Variants in PLA2G5 observed in about 807,000 individuals in gnomAD.
PLA2G5 encodes Ca2+-dependent phospholipase A2.
PLA2G5 carries 12 observed loss-of-function variants against 15.9 expected under a neutral mutation model. The observed-to-expected ratio is 0.76, with a 90% CI of 0.48 to 1.23. The LOEUF (loss-of-function observed/expected upper bound fraction) is 1.23. PLA2G5 is among the 50% of genes most tolerant of loss of function. PLA2G5 has a pLI of 0.00. For missense variants in PLA2G5, 169 were observed against 177.1 expected, an observed-to-expected ratio of 0.95 and a Z score of 0.26; for synonymous variants, 71 against 71.4, an observed-to-expected ratio of 0.99 and a Z score of 0.03.
chr1:20,041,282 G>A lies in PLA2G5; in HGVS notation n.276+12573G>A, dbSNP rs536372601. 4.6e-4 allele frequency among the ~76,000 whole-genome samples: 70 copies of A among 152,278 alleles called. No individual in the cohort carries two copies. In the South Asian group the frequency reaches 0.013, roughly 28 times the overall value. On this transcript the variant is annotated intron_variant and non_coding_transcript_variant, in intron 1 of 6. Coordinates refer to the PLA2G5 transcript ENST00000460175. ...GGTCTGGGAGCACCCCCTCCAGAGT[G>A]TCACCTGTGTCTGTGTGAAGAGACC...
chr1:20,085,383 T>A (rs940269714), intron 2 of PLA2G5, among the ~76,000 whole-genome samples: 5 of 152,038 alleles, frequency 3.3e-5, no homozygotes, highest in African/African-American at 1.2e-4. Context: ...TGCTCCTTGA[T>A]GTCTTGCTAG....
chr1:20,030,160 C>T (rs776247761), intron 1 of PLA2G5, among the ~76,000 whole-genome samples: 37 of 151,356 alleles, frequency 2.4e-4, no homozygotes, highest in African/African-American at 7.3e-4. Flanking sequence ...GCTTAGCATA[C>T]GAAGGACCAG....
intron 1 of PLA2G5, among the ~76,000 whole-genome samples, chr1:20,043,981 G>C (rs2013757348): frequency 6.6e-6 from 1 of 152,214 alleles, no homozygotes; most frequent in African/African-American, 2.4e-5. Context: ...CTGGGAAGGA[G>C]TCAGTCAGTC....
At chr1:20,054,913 CT>C (rs1345839125) in intron 1 of PLA2G5, 1 of 152,134 alleles carries the variant, frequency 6.6e-6, no homozygotes, top group Non-Finnish European at 1.5e-5. Flanking sequence ...CACATTCTCA[CT>C]AGTAATGTAT....
At chr1:20,086,631 C>T (rs2016305910) in intron 3 of PLA2G5, among the ~76,000 whole-genome samples, 1 of 152,200 alleles carries the variant, frequency 6.6e-6, no homozygotes, top group Non-Finnish European at 1.5e-5. Context: ...GCCTCAATTC[C>T]TGTCACTTAG....
intron 1 of PLA2G5, among the ~76,000 whole-genome samples, chr1:20,075,868 CTTT>C (rs534879331): frequency 1.2e-3 from 144 of 121,722 alleles, no homozygotes; most frequent in Middle Eastern, 4.7e-3. Context: ...ATTTCTTTCT[CTTT>C]TTTTTTTTTT....
upstream of PLA2G5, chr1:20,068,989 AC>A (rs1245812149): frequency 8.1e-7 from 1 of 1,237,764 alleles, no homozygotes; most frequent in African/African-American, 1.5e-5. Flanking sequence ...TGGCACAGAT[AC>A]CAACAGACCA....
upstream of PLA2G5, chr1:20,066,062 G>C (rs1304588326): frequency 1.3e-5 from 2 of 152,210 alleles, no homozygotes; most frequent in African/African-American, 4.8e-5. Flanking sequence ...CATTGAATGA[G>C]AGTCCCTGTT....
At chr1:20,072,578 C>T (rs1274328861) in intron 1 of PLA2G5, among the ~76,000 whole-genome samples, 3 of 152,148 alleles carry the variant, frequency 2.0e-5, no homozygotes, top group African/African-American at 4.8e-5. Context: ...CCCAGGAATG[C>T]GTTAGGGGTG....
chr1:20,089,911 C>A lies in PLA2G5; in HGVS notation c.292+16C>A. 1 of 1,573,422 alleles carries A rather than the reference C, an allele frequency of 6.4e-7. No individual in the cohort carries two copies. The highest frequency in any genetic ancestry group is 1.1e-5 in the South Asian group (1 of 88,766). On this transcript the variant is annotated intron_variant, in intron 4 of 4. Transcript: ENST00000375108. ...GTCACCTGCGGTAAGGCTGGGGCTT[C>A]CCGTTCGGGCCATTGGAAGAGCACC...
At chr1:20,033,133 A>G (rs1005206924) in intron 1 of PLA2G5, among the ~76,000 whole-genome samples, 1 of 152,118 alleles carries the variant, frequency 6.6e-6, no homozygotes, top group African/African-American at 2.4e-5. Context: ...CCTCTTGTTG[A>G]CAGGTAGTTC....
intron 1 of PLA2G5, among the ~76,000 whole-genome samples, chr1:20,044,278 C>T (rs888837105): frequency 6.6e-6 from 1 of 152,096 alleles, no homozygotes; most frequent in Non-Finnish European, 1.5e-5. Flanking sequence ...ACAGCAGAGG[C>T]AAGTAATTGT....
Position 20,090,706 on chromosome 1 carries a change from G to A in PLA2G5, c.*14G>A. On this transcript the variant is annotated 3_prime_UTR_variant, in exon 5 of 5. Coordinates refer to ENST00000375108, the MANE Select transcript of PLA2G5 (RefSeq NM_000929.3). ...CTCTGCTCCTAGGCCTCCCCAGCGA[G>A]CTCCTCCCAGACCAAGACTTTTGTT... The A allele has an allele frequency of 6.2e-7, 1 of 1,613,808 alleles. No homozygotes were observed. Among genetic ancestry groups the A allele is most frequent in the Non-Finnish European group, 8.5e-7 (1 of 1,179,746 alleles).
intron 1 of PLA2G5, 93 bp from the exon 2 acceptor site, chr1:20,084,728 A>G: frequency 1.2e-6 from 1 of 826,450 alleles, no homozygotes; most frequent in Non-Finnish European, 2.1e-6. Context: ...GGAGTGGAAT[A>G]GATGGGGCCT....
chr1:20,050,593 T>C (rs1412499520), intron 1 of PLA2G5, among the ~76,000 whole-genome samples: 1 of 152,216 alleles, frequency 6.6e-6, no homozygotes, highest in Non-Finnish European at 1.5e-5. Context: ...ATGGTCAAGA[T>C]TAAAACTTTA....
At chr1:20,067,656 C>G (rs894204342), upstream of PLA2G5, among the ~76,000 whole-genome samples, 1 of 151,604 alleles carries the variant, frequency 6.6e-6, no homozygotes, top group Non-Finnish European at 1.5e-5. Context: ...CTGCTGCACT[C>G]CAGCCTGGGC....
At chr1:20,066,867 G>T (rs1184504711), upstream of PLA2G5, among the ~76,000 whole-genome samples, 1 of 152,192 alleles carries the variant, frequency 6.6e-6, no homozygotes, top group Non-Finnish European at 1.5e-5. Context: ...TTAGTCAGCT[G>T]TGGTGACATG....
At chr1:20,075,814 A>G (rs988013807) in intron 1 of PLA2G5, among the ~76,000 whole-genome samples, 1 of 151,850 alleles carries the variant, frequency 6.6e-6, no homozygotes, top group African/African-American at 2.4e-5. Context: ...CAGGATTCCT[A>G]GATCTTTTAA....
intron 3 of PLA2G5, 135 bp from the exon 4 acceptor site, chr1:20,089,654 C>T (rs957557957): frequency 6.0e-6 from 4 of 662,592 alleles, no homozygotes; most frequent in African/African-American, 5.4e-5. Context: ...AGTCACACTA[C>T]CAGATCCTCC....
Sources: gnomAD v4.1 joint callset for allele counts (sites outside exome capture counted in the v4.1 genomes callset) on GRCh38, gnomAD v4.1.1 for gene constraint, MANE v1.5 for transcripts, NCBI Gene and HGNC (gene_info 2026-07-23, HGNC 2026-07-21) for gene names.